The following LIN54 variants were observed in gnomAD, a reference collection of about 807,000 sequenced individuals.
The protein encoded by LIN54 is protein lin-54 homolog.
A neutral mutation model predicts 78.7 loss-of-function variants in LIN54; 9 were observed. That is an observed-to-expected ratio of 0.11 (90% CI 0.07 to 0.20). The LOEUF is 0.20. LIN54 is among the 10% of genes least tolerant of loss of function. LIN54 has a pLI of 1.00. For synonymous variants in LIN54, 269 were observed against 318.4 expected (o/e 0.84, Z 1.65); for missense variants, 573 against 889.9 (o/e 0.64, Z 4.53).
At position 82,931,255 on chromosome 4, in the gene LIN54, T is replaced by G. The variant is rs1721927971; in HGVS notation, c.1846-110A>C. ...ATAGCATTACCTGGTCAACTGATAA[T>G]AAGATTAGATGGAAGTATCTCTGGC... is the stretch of plus-strand genomic sequence containing the variant. On this transcript the variant is annotated intron_variant, in intron 11 of 12. Transcript: ENST00000340417. 6 of 761,910 alleles carry G rather than the reference T, an allele frequency of 7.9e-6. No individual in the cohort carries two copies. In the South Asian group the frequency reaches 8.2e-5, roughly 10 times the overall value. 47.2% of individuals were successfully genotyped at this position (761,910 alleles called of 1,614,324 possible). A position where few individuals can be genotyped will look rare whatever the true frequency, so the allele number is the denominator to read the frequency against.
chr4:82,955,000 C>T (rs1724168458), intron 4 of LIN54, among the ~76,000 whole-genome samples: 1 of 152,176 alleles, frequency 6.6e-6, no homozygotes, highest in Admixed American at 6.5e-5. Flanking sequence ...AGTTAAACTT[C>T]ATTAAAGTTA....
At chr4:82,962,113 T>C (rs1724850578) in intron 4 of LIN54, among the ~76,000 whole-genome samples, 1 of 152,122 alleles carries the variant, frequency 6.6e-6, no homozygotes, top group Non-Finnish European at 1.5e-5. Context: ...TTTTTGGATA[T>C]AGAGTCTTGC....
chr4:83,002,396 G>A (rs1728928048), intron 1 of LIN54, among the ~76,000 whole-genome samples: 1 of 137,596 alleles, frequency 7.3e-6, no homozygotes, highest in South Asian at 2.7e-4. Context: ...AGGGAGGAAG[G>A]AAGGAAGGAG....
intron 4 of LIN54, among the ~76,000 whole-genome samples, chr4:82,965,510 T>G (rs1725130411): frequency 6.6e-6 from 1 of 152,186 alleles, no homozygotes; most frequent in African/African-American, 2.4e-5. Flanking sequence ...GAAAAAGAGC[T>G]ATCACTTAAT....
At chr4:82,943,960 C>T (rs1244154691) in intron 5 of LIN54, among the ~76,000 whole-genome samples, 1 of 151,226 alleles carries the variant, frequency 6.6e-6, no homozygotes, top group African/African-American at 2.4e-5. Context: ...CCTCTGCCTC[C>T]CGGGTTCAAG....
At chr4:82,928,436 A>T in intron 12 of LIN54, 133 bp from the exon 13 acceptor site, 1 of 717,804 alleles carries the variant, frequency 1.4e-6, no homozygotes, top group Non-Finnish European at 2.4e-6. Flanking sequence ...CAATTTACAC[A>T]GTGAGCACAA....
chr4:82,976,379 CA>C lies in LIN54; in HGVS notation c.808+2503del, dbSNP rs541024465. Reference sequence around the variant, plus strand: ...CATCTTCAATGAGAAGCCCAAAAATCATCAAAAAAAAAAAAAAAATCTCAAG... The same window carrying C: ...CATCTTCAATGAGAAGCCCAAAAATCTCAAAAAAAAAAAAAAAATCTCAAG... On this transcript the variant is annotated intron_variant, in intron 3 of 12. Coordinates refer to ENST00000340417, the MANE Select transcript of LIN54 (RefSeq NM_194282.4). Among the ~76,000 whole-genome samples the C allele has an allele frequency of 4.5e-4, 58 of 128,752 alleles. No individual in the cohort carries two copies. In the East Asian group the frequency reaches 0.014, roughly 31 times the overall value. The allele number at this position is 128,752 out of a possible 152,430, so 84.5% of individuals were successfully genotyped here. A position where few individuals can be genotyped will look rare whatever the true frequency, so the allele number is the denominator to read the frequency against.
At chr4:82,928,332 ATGG>A (rs765204338) in intron 12 of LIN54, 29 bp from the exon 13 acceptor site, 2 of 1,556,442 alleles carry the variant, frequency 1.3e-6, no homozygotes, top group Non-Finnish European at 1.8e-6. Flanking sequence ...GAGAAAGATG[ATGG>A]TGGTGTTAAA....
chr4:82,968,760 C>T (rs1424583525), intron 4 of LIN54, among the ~76,000 whole-genome samples: 2 of 152,166 alleles, frequency 1.3e-5, no homozygotes, highest in Non-Finnish European at 2.9e-5. Flanking sequence ...GTCTCTCCCA[C>T]AATACAGGCT....
At chr4:82,946,224 C>A in intron 5 of LIN54, 34 bp downstream of exon 5, 1 of 1,503,730 alleles carries the variant, frequency 6.7e-7, no homozygotes, top group East Asian at 2.3e-5. Context: ...ATGTTAAAAG[C>A]ATGAATTACT....
chr4:82,935,626 A>G (rs1722338039), intron 11 of LIN54, among the ~76,000 whole-genome samples: 1 of 152,108 alleles, frequency 6.6e-6, no homozygotes, highest in Non-Finnish European at 1.5e-5. Context: ...AGTAAGTAGA[A>G]CTGCACCTCA....
rs1412966962 is a variant in LIN54, at chr4:82,925,066, T to C, written c.*3036A>G. On this transcript the variant is annotated 3_prime_UTR_variant, in exon 13 of 13. Transcript: ENST00000340417. Reference sequence around the variant, plus strand: ...GGGAACTAATCACTCTGTTTGCTTTTGTACCTGTAACATTAAGGTTCTGTT... The same window carrying C: ...GGGAACTAATCACTCTGTTTGCTTTCGTACCTGTAACATTAAGGTTCTGTT... The C allele has an allele frequency of 6.5e-6, 1 of 152,672 alleles. No homozygotes were observed. The highest frequency in any genetic ancestry group is 6.5e-5 in the Admixed American group (1 of 15,290). The allele number at this position is 152,672 out of a possible 1,614,324, so 9.5% of individuals were successfully genotyped here. A position where few individuals can be genotyped will look rare whatever the true frequency, so the allele number is the denominator to read the frequency against.
intron 1 of LIN54, among the ~76,000 whole-genome samples, chr4:83,005,920 T>A (rs1167716347): frequency 6.6e-6 from 1 of 152,098 alleles, no homozygotes; most frequent in Non-Finnish European, 1.5e-5. Context: ...GAAAATGTGG[T>A]ACATATACAC....
intron 4 of LIN54, among the ~76,000 whole-genome samples, chr4:82,968,961 C>T (rs1240108657): frequency 2.0e-5 from 3 of 152,092 alleles, no homozygotes; most frequent in Admixed American, 6.6e-5. Flanking sequence ...GAGAACTAGG[C>T]GTCGGTATTT....
At chr4:82,979,130 G>T in intron 2 of LIN54, 124 bp from the exon 3 acceptor site, 2 of 554,202 alleles carry the variant, frequency 3.6e-6, no homozygotes, top group South Asian at 4.2e-5. Flanking sequence ...GAATATATCT[G>T]TGTGTTAATG....
chr4:82,941,394 C>T (rs946253202), intron 5 of LIN54, among the ~76,000 whole-genome samples: 1 of 151,894 alleles, frequency 6.6e-6, no homozygotes, highest in Non-Finnish European at 1.5e-5. Context: ...CTGGGATTAA[C>T]GCAGACAAAT....
chr4:82,940,362 A>G (rs1722747827), intron 5 of LIN54, among the ~76,000 whole-genome samples: 1 of 152,178 alleles, frequency 6.6e-6, no homozygotes, highest in African/African-American at 2.4e-5. Flanking sequence ...TGCTCTTTCT[A>G]TTCAAACCAG....
rs1388207839 is a variant in LIN54, at chr4:82,926,282, CT to C, written c.*1819del. The C allele has an allele frequency of 6.6e-6, 1 of 152,482 alleles. No individual in the cohort carries two copies. Among genetic ancestry groups the C allele is most frequent in the Non-Finnish European group, 1.5e-5 (1 of 67,994 alleles). 9.4% of individuals were successfully genotyped at this position (152,482 alleles called of 1,614,324 possible). A position where few individuals can be genotyped will look rare whatever the true frequency, so the allele number is the denominator to read the frequency against. Reference sequence around the variant, plus strand: ...AATAACTTGATTATTATTTTACCCTCTTACACTAATTTACATTTATACAAAT... The same window carrying C: ...AATAACTTGATTATTATTTTACCCTCTACACTAATTTACATTTATACAAAT... On this transcript the variant is annotated 3_prime_UTR_variant, in exon 13 of 13. Coordinates refer to ENST00000340417, the MANE Select transcript of LIN54 (RefSeq NM_194282.4).
chr4:82,996,499 G>A lies in LIN54; in HGVS notation c.-32-11623C>T, dbSNP rs1012024612. On this transcript the variant is annotated intron_variant, in intron 1 of 12. Coordinates refer to ENST00000340417, the MANE Select transcript of LIN54 (RefSeq NM_194282.4). Reference sequence around the variant, plus strand: ...CAGCTCACTGCAACCTCTGCCTCCCGGGTTCAAGAGATTCTCCTGTCTCAG... The same window carrying A: ...CAGCTCACTGCAACCTCTGCCTCCCAGGTTCAAGAGATTCTCCTGTCTCAG... 9.2e-5 allele frequency among the ~76,000 whole-genome samples: 14 copies of A among 151,938 alleles called. 1 individual carries two copies. Among genetic ancestry groups the A allele is most frequent in the South Asian group, 4.1e-4 (2 of 4,826 alleles).
Sources: gnomAD v4.1 joint callset for allele counts (sites outside exome capture counted in the v4.1 genomes callset) on GRCh38, gnomAD v4.1.1 for gene constraint, MANE v1.5 for transcripts, NCBI Gene and HGNC (gene_info 2026-07-23, HGNC 2026-07-21) for gene names.